Variants in PCDH9 observed in about 807,000 individuals in gnomAD.
PCDH9 encodes the protein protocadherin-9.
PCDH9 carries 24 observed loss-of-function variants against 70.6 expected under a neutral mutation model. The observed-to-expected ratio is 0.34, with a 90% CI of 0.25 to 0.48. PCDH9 has a LOEUF of 0.48. PCDH9 is among the 20% of genes least tolerant of loss of function. PCDH9 has a pLI of 0.99. For missense variants in PCDH9, 1,281 were observed against 1,503.6 expected (o/e 0.85, Z 2.45); for synonymous variants, 562 against 558.5 (o/e 1.01, Z -0.09).
intron 3 of PCDH9, among the ~76,000 whole-genome samples, chr13:66,750,576 C>CA (rs1318245482): frequency 6.6e-6 from 1 of 151,046 alleles, no homozygotes; most frequent in Non-Finnish European, 1.5e-5. Context: ...CTTTGTAAAA[C>CA]AAAAAAGAAT....
chr13:67,114,206 T>C (rs1023200116), intron 2 of PCDH9, among the ~76,000 whole-genome samples: 4 of 152,196 alleles, frequency 2.6e-5, no homozygotes, highest in Non-Finnish European at 5.9e-5. Flanking sequence ...CTCTCCTAAG[T>C]AGCCTTTTAA....
intron 3 of PCDH9, among the ~76,000 whole-genome samples, chr13:66,682,362 ATCT>A (rs2078337125): frequency 5.7e-5 from 2 of 35,082 alleles, no homozygotes; most frequent in African/African-American, 1.5e-4. Context: ...TTATCTATCT[ATCT>A]ATCTATCTAT....
intron 3 of PCDH9, among the ~76,000 whole-genome samples, chr13:66,732,114 T>A (rs1267588070): frequency 6.6e-6 from 1 of 152,020 alleles, no homozygotes; most frequent in African/African-American, 2.4e-5. Flanking sequence ...GTATTTTAAA[T>A]TTATTTTTAT....
intron 3 of PCDH9, among the ~76,000 whole-genome samples, chr13:66,651,989 G>T (rs1470611036): frequency 6.6e-6 from 1 of 151,970 alleles, no homozygotes; most frequent in Non-Finnish European, 1.5e-5. Flanking sequence ...TCAAAAAACT[G>T]GGTAGAGAAA....
intron 2 of PCDH9, among the ~76,000 whole-genome samples, chr13:67,163,537 T>C (rs555566954): frequency 1.3e-5 from 2 of 152,344 alleles, no homozygotes; most frequent in South Asian, 4.1e-4. Flanking sequence ...AACTCTGTAA[T>C]GTCAAATCAT....
intron 4 of PCDH9, among the ~76,000 whole-genome samples, chr13:66,427,765 G>A (rs1957697361): frequency 6.6e-6 from 1 of 151,548 alleles, no homozygotes; most frequent in Non-Finnish European, 1.5e-5. Flanking sequence ...TTGAGTTTTG[G>A]TGTCTTTGTA....
intron 4 of PCDH9, among the ~76,000 whole-genome samples, chr13:66,309,042 G>A (rs2138059425): frequency 6.6e-6 from 1 of 152,018 alleles, no homozygotes; most frequent in African/African-American, 2.4e-5. Flanking sequence ...TTTAATTTTT[G>A]TAGTTACATG....
intron 4 of PCDH9, among the ~76,000 whole-genome samples, chr13:66,376,041 C>T (rs1460512772): frequency 6.6e-6 from 1 of 152,118 alleles, no homozygotes; most frequent in African/African-American, 2.4e-5. Flanking sequence ...TTAAACAATT[C>T]AAAGTTTCCT....
intron 4 of PCDH9, among the ~76,000 whole-genome samples, chr13:66,563,024 A>G (rs2138714234): frequency 6.6e-6 from 1 of 152,228 alleles, no homozygotes; most frequent in East Asian, 1.9e-4. Context: ...TTATTTCCTT[A>G]TCGAATTCAT....
intron 3 of PCDH9, among the ~76,000 whole-genome samples, chr13:66,664,850 C>G (rs2078070777): frequency 6.6e-6 from 1 of 151,962 alleles, no homozygotes; most frequent in Non-Finnish European, 1.5e-5. Context: ...AGGCTTCATC[C>G]CATCCCTACA....
At chr13:66,632,239 A>G (rs2077581492) in intron 3 of PCDH9, among the ~76,000 whole-genome samples, 1 of 152,210 alleles carries the variant, frequency 6.6e-6, no homozygotes, top group Non-Finnish European at 1.5e-5. Context: ...AAGTGTCCCT[A>G]AAGCAATACT....
At chr13:66,547,815 G>C (rs936148430) in intron 4 of PCDH9, among the ~76,000 whole-genome samples, 1 of 147,992 alleles carries the variant, frequency 6.8e-6, no homozygotes, top group South Asian at 2.1e-4. Flanking sequence ...TGATTCAAGT[G>C]GATATGTCAG....
chr13:67,093,848 C>A (rs9540995), intron 2 of PCDH9, among the ~76,000 whole-genome samples: 15,120 of 151,942 alleles, frequency 0.1, 817 homozygotes, highest in Non-Finnish European at 0.12. Flanking sequence ...TAACAAGTTC[C>A]AATATTATTT....
chr13:67,076,544 G>T (rs770581935), intron 2 of PCDH9, among the ~76,000 whole-genome samples: 12 of 152,076 alleles, frequency 7.9e-5, no homozygotes, highest in Non-Finnish European at 1.6e-4. Context: ...GGACTAAGTG[G>T]TGATATGGAA....
At chr13:66,925,585 T>C (rs937101538) in intron 2 of PCDH9, among the ~76,000 whole-genome samples, 35 of 151,638 alleles carry the variant, frequency 2.3e-4, no homozygotes, top group African/African-American at 8.2e-4. Context: ...TATTTCTTGA[T>C]CCTCTATTTA....
intron 2 of PCDH9, among the ~76,000 whole-genome samples, chr13:67,144,282 C>A (rs1179913417): frequency 6.6e-6 from 1 of 152,116 alleles, no homozygotes; most frequent in Non-Finnish European, 1.5e-5. Context: ...GAAGAAGGTG[C>A]TACAACTTTG....
At chr13:66,661,509 C>T (rs538978572) in intron 3 of PCDH9, among the ~76,000 whole-genome samples, 3 of 152,314 alleles carry the variant, frequency 2.0e-5, no homozygotes, top group Non-Finnish European at 4.4e-5. Flanking sequence ...TGCTTTACCA[C>T]TGAGAGGTCC....
At chr13:66,477,385 A>G (rs1214128297) in intron 4 of PCDH9, among the ~76,000 whole-genome samples, 1 of 152,156 alleles carries the variant, frequency 6.6e-6, no homozygotes, top group Non-Finnish European at 1.5e-5. Flanking sequence ...GTACATTATA[A>G]ATGTAAATCT....
chr13:66,923,632 G>A (rs1234534870), intron 2 of PCDH9, among the ~76,000 whole-genome samples: 2 of 151,346 alleles, frequency 1.3e-5, no homozygotes, highest in African/African-American at 4.8e-5. Context: ...AACCACCAAC[G>A]TCTTAATTTT....
Sources: allele counts gnomAD v4.1 joint callset (sites outside exome capture counted in the v4.1 genomes callset), GRCh38; gene constraint gnomAD v4.1.1; transcripts MANE v1.5; gene names NCBI Gene and HGNC (gene_info 2026-07-23, HGNC 2026-07-21).